The following PCDHA2 variants were observed in gnomAD, a reference collection of about 807,000 sequenced individuals.
PCDHA2 encodes protocadherin alpha 2.
In PCDHA2, 58 loss-of-function variants were observed where a neutral mutation model predicts 66.0. The ratio of observed to expected loss-of-function variants is 0.88; its 90% CI spans 0.71 to 1.09. The LOEUF is 1.09. Among genes scored for constraint, PCDHA2 ranks in the 50% least tolerant of loss-of-function variants. The probability of loss-of-function intolerance (pLI) is 0.00; values close to 1 mark genes in which losing one functional copy is unlikely to be tolerated. For synonymous variants in PCDHA2, 634 were observed against 554.0 expected, an observed-to-expected ratio of 1.14 and a Z score of -2.03; for missense variants, 1,267 against 1,242.3, an observed-to-expected ratio of 1.02 and a Z score of -0.30.
intron 1 of PCDHA2, chr5:140,857,226 C>A (rs1266010631): frequency 6.3e-7 from 1 of 1,598,378 alleles, no homozygotes; most frequent in African/African-American, 1.3e-5. Context: ...CCTCACGTTC[C>A]GTTCAAGCTG....
At chr5:140,845,181 TA>T (rs1554140854) in intron 1 of PCDHA2, among the ~76,000 whole-genome samples, 1 of 149,328 alleles carries the variant, frequency 6.7e-6, no homozygotes, top group African/African-American at 2.5e-5. Context: ...TTTAGTCCTT[TA>T]AAAAATATGA....
At chr5:140,836,004 G>A in intron 1 of PCDHA2, 2 of 1,613,392 alleles carry the variant, frequency 1.2e-6, no homozygotes, top group Non-Finnish European at 1.7e-6. Context: ...GCGCGATGCG[G>A]GCGTGCCGCC....
intron 1 of PCDHA2, chr5:140,853,622 T>C: frequency 2.0e-6 from 2 of 988,456 alleles, no homozygotes; most frequent in Non-Finnish European, 2.4e-6. Context: ...TAAATAAGTA[T>C]ACAAGATCAC....
chr5:140,871,419 C>A (rs1554165566), intron 1 of PCDHA2: 1 of 1,613,732 alleles, frequency 6.2e-7, no homozygotes. Flanking sequence ...TGGCCTTCAG[C>A]CCCAGTCTTC....
At chr5:140,824,015 G>T in intron 1 of PCDHA2, 1 of 1,614,132 alleles carries the variant, frequency 6.2e-7, no homozygotes, top group Non-Finnish European at 8.5e-7. Flanking sequence ...GTGGGGAGCT[G>T]GTCGTACTCG....
At chr5:141,009,173 G>A (rs1486905042) in intron 3 of PCDHA2, among the ~76,000 whole-genome samples, 3 of 152,204 alleles carry the variant, frequency 2.0e-5, no homozygotes, top group African/African-American at 7.2e-5. Flanking sequence ...TACTGGCCTT[G>A]GCTGGGTGTG....
At position 140,852,925 on chromosome 5, in the gene PCDHA2, C is replaced by G. The variant is rs2150525482; in HGVS notation, c.2388+55573C>G. 94 of 702,082 alleles carry G rather than the reference C, an allele frequency of 1.3e-4. 5 individuals are homozygous for G. The South Asian group carries it at 4.5e-3, about 34-fold the overall frequency. The allele number at this position is 702,082 out of a possible 1,614,324, so 43.5% of individuals were successfully genotyped here. On this transcript the variant is annotated intron_variant, in intron 1 of 3. Coordinates refer to ENST00000526136, the MANE Select transcript of PCDHA2 (RefSeq NM_018905.3). ...TCAGAGTCTCGCTCTGTTGCCCAGG[C>G]TGGAGTGCAGTGGTGCCATCTTGGC...
chr5:141,010,315 T>G lies in PCDHA2; in HGVS notation c.*378T>G. ...AGGGCAGGCTGAAAAGTTTTGAGAT[T>G]GAGCAGCTTGGGAGTTTGTGGCCAC... On this transcript the variant is annotated 3_prime_UTR_variant, in exon 4 of 4. Transcript: ENST00000526136. 2.6e-6 allele frequency: 4 copies of G among 1,546,626 alleles called. No homozygotes were observed. Among genetic ancestry groups the G allele is most frequent in the Non-Finnish European group, 3.5e-6 (4 of 1,145,530 alleles).
At chr5:140,852,885 AT>A (rs2150523673) in intron 1 of PCDHA2, 17,743 of 732,756 alleles carry the variant, frequency 0.024, 6 homozygotes, top group Non-Finnish European at 0.027. Flanking sequence ...CATAAAACGT[AT>A]TTTTTTTTTT....
At chr5:140,992,295 A>G (rs2097504334) in intron 3 of PCDHA2, among the ~76,000 whole-genome samples, 1 of 152,134 alleles carries the variant, frequency 6.6e-6, no homozygotes, top group African/African-American at 2.4e-5. Flanking sequence ...AAAGGATGGG[A>G]GTATTGTTTT....
Position 140,796,674 on chromosome 5 carries a change from T to C in PCDHA2, c.1710T>C (p.Ala570=). 1.2e-6 allele frequency: 2 copies of C among 1,613,904 alleles called. No homozygotes were observed. Among genetic ancestry groups the C allele is most frequent in the Non-Finnish European group, 1.7e-6 (2 of 1,179,874 alleles). ...DNAPALLAPR[A]GTAAGAVSEL... Reference sequence around the variant, plus strand: ...CGCCGGCACTGTTGGCGCCTAGGGCTGGCACCGCTGCTGGCGCAGTGAGTG... The same window carrying C: ...CGCCGGCACTGTTGGCGCCTAGGGCCGGCACCGCTGCTGGCGCAGTGAGTG... The change falls in exon 1 of 4, where the codon GCT becomes GCC. Residue 570 remains alanine (A), a synonymous_variant. Transcript: ENST00000526136.
intron 1 of PCDHA2, chr5:140,801,801 C>A (rs1554121712): frequency 2.5e-6 from 4 of 1,613,954 alleles, no homozygotes; most frequent in Non-Finnish European, 3.4e-6. Flanking sequence ...AAATTTAAAT[C>A]GAGAGGACAC....
intron 1 of PCDHA2, chr5:140,854,321 C>A: frequency 3.7e-6 from 1 of 267,696 alleles, no homozygotes; most frequent in Non-Finnish European, 5.7e-6. Context: ...TGATCAATGG[C>A]AAACTTATTT....
intron 1 of PCDHA2, chr5:140,797,565 G>T: frequency 1.5e-6 from 1 of 679,106 alleles, no homozygotes; most frequent in East Asian, 2.8e-5. Context: ...TTACATTTTG[G>T]CACTTCCATC....
In PCDHA2 at chr5:140,856,507, A is replaced by C. The variant is rs527808702; in HGVS notation, c.2388+59155A>C. 4.2e-5 allele frequency: 67 copies of C among 1,598,478 alleles called. 5 individuals carry two copies. In the South Asian group the frequency reaches 7.1e-4, roughly 17 times the overall value. Reference sequence around the variant, plus strand: ...GACTGCTTGACTCTCGATTTCCACTAGAAGGCGCATCTGATGCGGATGTTG... The same window carrying C: ...GACTGCTTGACTCTCGATTTCCACTCGAAGGCGCATCTGATGCGGATGTTG... On this transcript the variant is annotated intron_variant, in intron 1 of 3. Coordinates refer to ENST00000526136, the MANE Select transcript of PCDHA2 (RefSeq NM_018905.3).
intron 1 of PCDHA2, chr5:140,877,906 A>G: frequency 2.1e-6 from 3 of 1,435,008 alleles, no homozygotes; most frequent in Non-Finnish European, 1.8e-6. Flanking sequence ...TTATAACTAC[A>G]TTCTCTCATT....
At chr5:140,850,196 A>G (rs1367952118) in intron 1 of PCDHA2, 1 of 1,592,698 alleles carries the variant, frequency 6.3e-7, no homozygotes, top group East Asian at 2.2e-5. Context: ...CGCTGCTGAC[A>G]CCTCGGATGA....
chr5:140,961,760 A>G (rs1563318527), intron 1 of PCDHA2, among the ~76,000 whole-genome samples: 3 of 152,172 alleles, frequency 2.0e-5, no homozygotes. Context: ...TTTTGAAGGA[A>G]TTTATATCAA....
chr5:140,825,404 A>T (rs1554130224), intron 1 of PCDHA2: 1 of 146,194 alleles, frequency 6.8e-6, no homozygotes, highest in Non-Finnish European at 1.5e-5. Context: ...AATATATTAT[A>T]TATTTTATAT....
Sources: allele counts gnomAD v4.1 joint callset (sites outside exome capture counted in the v4.1 genomes callset), GRCh38; gene constraint gnomAD v4.1.1; transcripts MANE v1.5; gene names NCBI Gene and HGNC (gene_info 2026-07-23, HGNC 2026-07-21).